Variants in EGFLAM observed in about 807,000 individuals in gnomAD.
The protein encoded by EGFLAM is pikachurin.
EGFLAM carries 79 observed loss-of-function variants against 113.1 expected under a neutral mutation model. That is an observed-to-expected ratio of 0.70 (90% confidence interval 0.58 to 0.84). EGFLAM has a LOEUF of 0.84. Among genes scored for constraint, EGFLAM ranks in the 40% least tolerant of loss-of-function variants. The pLI is 0.00. For synonymous variants in EGFLAM, 504 were observed against 487.6 expected (o/e 1.03, Z -0.44); for missense variants, 1,265 against 1,291.6 (o/e 0.98, Z 0.32).
At chr5:38,329,181 C>T (rs1228928569) in intron 1 of EGFLAM, among the ~76,000 whole-genome samples, 1 of 151,840 alleles carries the variant, frequency 6.6e-6, no homozygotes, top group Non-Finnish European at 1.5e-5. Flanking sequence ...CCCAGCTACT[C>T]AGTTGGCTGA....
intron 12 of EGFLAM, 106 bp downstream of exon 12, chr5:38,418,361 C>A: frequency 7.3e-7 from 1 of 1,365,254 alleles, no homozygotes; most frequent in Non-Finnish European, 9.9e-7. Context: ...AGGTGCTACC[C>A]TGGGAAGCTG....
In EGFLAM at chr5:38,412,649, G is replaced by T. The variant is rs1345271086; in HGVS notation, c.1494+1G>T. 6.8e-6 allele frequency: 11 copies of T among 1,613,368 alleles called. No individual in the cohort carries two copies. The highest frequency in any genetic ancestry group is 8.5e-6 in the Non-Finnish European group (10 of 1,179,966). ...CACCCCAGTGACAGGCCAGTCTCAG[G>T]TATGTATGAGCCCCACACCCTGCCC... On this transcript the variant is annotated splice_donor_variant, in intron 11 of 21. Coordinates refer to ENST00000322350, the MANE Select transcript of EGFLAM (RefSeq NM_152403.4). LOFTEE classifies it high-confidence loss of function.
At chr5:38,455,247 G>A (rs1743050564) in intron 19 of EGFLAM, among the ~76,000 whole-genome samples, 1 of 152,202 alleles carries the variant, frequency 6.6e-6, no homozygotes, top group South Asian at 2.1e-4. Context: ...CTCACCTGAA[G>A]GTATTTCCGG....
chr5:38,367,214 A>G (rs1049449962), intron 5 of EGFLAM, among the ~76,000 whole-genome samples: 13 of 150,706 alleles, frequency 8.6e-5, no homozygotes, highest in Non-Finnish European at 1.5e-4. Context: ...TGGTGCAATC[A>G]TAGCTCGCAG....
chr5:38,337,216 G>T (rs1234543449), intron 1 of EGFLAM, among the ~76,000 whole-genome samples: 1 of 152,190 alleles, frequency 6.6e-6, no homozygotes, highest in Non-Finnish European at 1.5e-5. Flanking sequence ...AGTCAAGTCA[G>T]AAGTGTTTGT....
At chr5:38,329,292 GATAAATAAATAAATAA>G (rs10523377) in intron 1 of EGFLAM, among the ~76,000 whole-genome samples, 21,115 of 146,710 alleles carry the variant, frequency 0.14, 1,867 homozygotes, top group African/African-American at 0.24. Flanking sequence ...CTATCTCAAA[GATAAATAAATAAATAA>G]ATAAATAAAT....
At chr5:38,356,178 T>G (rs1209150002) in intron 5 of EGFLAM, among the ~76,000 whole-genome samples, 3 of 152,250 alleles carry the variant, frequency 2.0e-5, no homozygotes, top group African/African-American at 7.2e-5. Flanking sequence ...TTTAGAATTC[T>G]TATAGTCGTT....
intron 6 of EGFLAM, among the ~76,000 whole-genome samples, chr5:38,373,478 T>C (rs1014359979): frequency 2.6e-5 from 4 of 152,180 alleles, no homozygotes; most frequent in Admixed American, 2.0e-4. Context: ...CATGTACCAA[T>C]TGGTTAGTTC....
chr5:38,322,890 A>G (rs1416454885), intron 1 of EGFLAM, among the ~76,000 whole-genome samples: 1 of 152,200 alleles, frequency 6.6e-6, no homozygotes, highest in Admixed American at 6.5e-5. Context: ...TCCACAGGTA[A>G]CTAGAACAAA....
At chr5:38,389,073 T>C (rs1740746364) in intron 6 of EGFLAM, among the ~76,000 whole-genome samples, 1 of 152,144 alleles carries the variant, frequency 6.6e-6, no homozygotes, top group Admixed American at 6.5e-5. Context: ...TTATAGTAGA[T>C]GAGAAAATAT....
At chr5:38,429,486 T>C (rs1742120195) in intron 14 of EGFLAM, among the ~76,000 whole-genome samples, 1 of 152,220 alleles carries the variant, frequency 6.6e-6, no homozygotes, top group Admixed American at 6.5e-5. Flanking sequence ...AATTGGGAAG[T>C]TCAGCGAGGG....
intron 1 of EGFLAM, among the ~76,000 whole-genome samples, chr5:38,309,459 T>G (rs746789605): frequency 6.6e-6 from 1 of 152,182 alleles, no homozygotes; most frequent in Non-Finnish European, 1.5e-5. Context: ...CTAGCACTAG[T>G]AGGGAAAAGA....
chr5:38,333,114 C>T (rs1739088089), intron 1 of EGFLAM, among the ~76,000 whole-genome samples: 1 of 152,204 alleles, frequency 6.6e-6, no homozygotes, highest in Non-Finnish European at 1.5e-5. Context: ...CATTCATGTT[C>T]CCACAAAAGA....
chr5:38,283,752 T>C (rs1198465543), intron 1 of EGFLAM, among the ~76,000 whole-genome samples: 2 of 152,182 alleles, frequency 1.3e-5, no homozygotes, highest in African/African-American at 4.8e-5. Context: ...AACACGTATG[T>C]AGTGGAGTTT....
At chr5:38,333,409 C>T (rs1170750102) in intron 1 of EGFLAM, among the ~76,000 whole-genome samples, 1 of 152,228 alleles carries the variant, frequency 6.6e-6, no homozygotes, top group Non-Finnish European at 1.5e-5. Flanking sequence ...CTAATTTATA[C>T]TCCCACCAAC....
At chr5:38,279,554 A>T (rs1030526408) in intron 1 of EGFLAM, among the ~76,000 whole-genome samples, 1 of 152,232 alleles carries the variant, frequency 6.6e-6, no homozygotes, top group Non-Finnish European at 1.5e-5. Context: ...GAAGGAAGTC[A>T]TATCATTTGC....
Position 38,281,979 on chromosome 5 carries a change from T to C in EGFLAM, c.97+23128T>C, listed in dbSNP as rs571595255. Among the ~76,000 whole-genome samples the C allele has an allele frequency of 9.8e-5, 15 of 152,354 alleles. No homozygotes were observed. The South Asian group carries it at 1.9e-3, about 19-fold the overall frequency. Reference sequence around the variant, plus strand: ...ATTCTTCATCTCTTGAGAGTCATCATGAACCCAAACTAACCTCATATTACT... The same window carrying C: ...ATTCTTCATCTCTTGAGAGTCATCACGAACCCAAACTAACCTCATATTACT... On this transcript the variant is annotated intron_variant, in intron 1 of 21. Coordinates refer to ENST00000322350, the MANE Select transcript of EGFLAM (RefSeq NM_152403.4).
chr5:38,279,863 T>A (rs192606516), intron 1 of EGFLAM, among the ~76,000 whole-genome samples: 8 of 152,182 alleles, frequency 5.3e-5, no homozygotes, highest in Admixed American at 4.6e-4. Flanking sequence ...TAAGAGTAGA[T>A]GTTAAGTGGG....
intron 14 of EGFLAM, chr5:38,430,212 A>T (rs552401873): frequency 3.2e-5 from 5 of 157,054 alleles, no homozygotes; most frequent in Non-Finnish European, 5.7e-5. Context: ...CTTATTTTTT[A>T]TGCGTTTCAA....
Sources: allele counts gnomAD v4.1 joint callset (sites outside exome capture counted in the v4.1 genomes callset), GRCh38; gene constraint gnomAD v4.1.1; transcripts MANE v1.5; gene names NCBI Gene and HGNC (gene_info 2026-07-23, HGNC 2026-07-21).